NOS1AP: variants seen among roughly 807,000 people sequenced by gnomAD.
NOS1AP encodes the protein nitric oxide synthase 1 adaptor protein, also known as carboxyl-terminal PDZ ligand of neuronal nitric oxide synthase protein.
In NOS1AP, 21 loss-of-function variants were observed where a neutral mutation model predicts 56.2. That is an observed-to-expected ratio of 0.37 (90% CI 0.26 to 0.54). The LOEUF is 0.54. Among genes scored for constraint, NOS1AP ranks in the 20% least tolerant of loss-of-function variants. NOS1AP has a pLI of 0.84. For missense variants in NOS1AP, 522 were observed against 657.8 expected (o/e 0.79, Z 2.26); for synonymous variants, 270 against 274.6 (o/e 0.98, Z 0.17).
chr1:162,121,588 T>C (rs1408533546), intron 1 of NOS1AP, among the ~76,000 whole-genome samples: 2 of 152,152 alleles, frequency 1.3e-5, no homozygotes, highest in Non-Finnish European at 2.9e-5. Flanking sequence ...ACTTTGGGCA[T>C]ATCATCTCCT....
chr1:162,363,905 A>G (rs1452037068), intron 8 of NOS1AP: 2 of 985,302 alleles, frequency 2.0e-6, no homozygotes, highest in Non-Finnish European at 2.4e-6. Flanking sequence ...TTCCTTAGGC[A>G]TTATGCCCCT....
intron 4 of NOS1AP, among the ~76,000 whole-genome samples, chr1:162,329,678 G>C (rs904024772): frequency 3.9e-5 from 6 of 152,068 alleles, no homozygotes; most frequent in African/African-American, 1.5e-4. Flanking sequence ...AGAAAACCAA[G>C]TAATGGAGAA....
At chr1:162,152,092 C>T (rs924580784) in intron 1 of NOS1AP, among the ~76,000 whole-genome samples, 7 of 152,160 alleles carry the variant, frequency 4.6e-5, no homozygotes, top group African/African-American at 1.7e-4. Context: ...TTTCTCAGTC[C>T]AGCAGTGCCT....
chr1:162,342,160 A>T (rs182954799), intron 5 of NOS1AP, among the ~76,000 whole-genome samples: 21 of 152,298 alleles, frequency 1.4e-4, no homozygotes, highest in Admixed American at 2.6e-4. Context: ...CACAGAAGTT[A>T]CCCATCTCCT....
At chr1:162,261,834 G>C (rs1654252728) in intron 2 of NOS1AP, among the ~76,000 whole-genome samples, 1 of 152,214 alleles carries the variant, frequency 6.6e-6, no homozygotes, top group Admixed American at 6.5e-5. Flanking sequence ...GGGAGATTGA[G>C]CTGGGAAAAG....
At chr1:162,197,201 T>G (rs895744634) in intron 2 of NOS1AP, among the ~76,000 whole-genome samples, 1 of 152,178 alleles carries the variant, frequency 6.6e-6, no homozygotes, top group African/African-American at 2.4e-5. Flanking sequence ...CTCTTTTCAA[T>G]GAGAGTTTGA....
intron 2 of NOS1AP, among the ~76,000 whole-genome samples, chr1:162,214,560 C>T (rs1198351404): frequency 3.3e-5 from 5 of 152,056 alleles, no homozygotes; most frequent in Non-Finnish European, 7.4e-5. Flanking sequence ...AAATAATTCT[C>T]AGTGTTTTTC....
chr1:162,098,316 A>G (rs1692296284), intron 1 of NOS1AP, among the ~76,000 whole-genome samples: 1 of 151,866 alleles, frequency 6.6e-6, no homozygotes, highest in African/African-American at 2.4e-5. Flanking sequence ...CATGTTGCCC[A>G]TGCTTGTTTC....
chr1:162,334,347 A>G (rs1382089904), intron 5 of NOS1AP, among the ~76,000 whole-genome samples: 2 of 152,224 alleles, frequency 1.3e-5, no homozygotes, highest in Non-Finnish European at 2.9e-5. Context: ...TCACATCTAG[A>G]TAATAGTATA....
chr1:162,139,387 C>T (rs1317397804), intron 1 of NOS1AP, among the ~76,000 whole-genome samples: 2 of 152,178 alleles, frequency 1.3e-5, no homozygotes, highest in African/African-American at 4.8e-5. Flanking sequence ...CAAGCCTAGA[C>T]ACTATCTATC....
intron 4 of NOS1AP, among the ~76,000 whole-genome samples, chr1:162,314,675 G>T (rs148898076): frequency 5.8e-4 from 88 of 152,258 alleles, no homozygotes; most frequent in African/African-American, 2.0e-3. Context: ...CCTTTTCTGG[G>T]ATACAAATAC....
At chr1:162,137,972 G>T (rs141516037) in intron 1 of NOS1AP, among the ~76,000 whole-genome samples, 72 of 152,260 alleles carry the variant, frequency 4.7e-4, no homozygotes, top group African/African-American at 1.6e-3. Context: ...AAGAGGGGGT[G>T]CTGGTGTGGT....
chr1:162,090,999 TA>T (rs1249356319), intron 1 of NOS1AP, among the ~76,000 whole-genome samples: 1 of 152,200 alleles, frequency 6.6e-6, no homozygotes, highest in Non-Finnish European at 1.5e-5. Context: ...TCCTGAATTT[TA>T]AAAAGGAGGG....
rs57665518 is a variant in NOS1AP at position 162,298,792 on chromosome 1, G to A, written c.271-1841G>A. 5.5e-3 allele frequency among the ~76,000 whole-genome samples: 838 copies of A among 152,228 alleles called. 10 individuals carry two copies. The highest frequency in any genetic ancestry group is 0.019 in the African/African-American group (785 of 41,540). On this transcript the variant is annotated intron_variant, in intron 3 of 9. Coordinates refer to ENST00000361897, the MANE Select transcript of NOS1AP (RefSeq NM_014697.3). Reference sequence around the variant, plus strand: ...AGAGCCATCACAACAATGCTTCCACGAGCAGCTACAAAAACTTTTAAAACA... The same window carrying A: ...AGAGCCATCACAACAATGCTTCCACAAGCAGCTACAAAAACTTTTAAAACA...
At chr1:162,285,815 G>A (rs1396831427) in intron 2 of NOS1AP, among the ~76,000 whole-genome samples, 2 of 152,172 alleles carry the variant, frequency 1.3e-5, no homozygotes, top group Non-Finnish European at 2.9e-5. Context: ...TAGAGTGGAG[G>A]TGGGGAAGTG....
intron 2 of NOS1AP, among the ~76,000 whole-genome samples, chr1:162,248,990 T>G (rs752219926): frequency 6.6e-6 from 1 of 152,152 alleles, no homozygotes; most frequent in Non-Finnish European, 1.5e-5. Context: ...TAACAGCATC[T>G]GAGTCATCTC....
intron 1 of NOS1AP, among the ~76,000 whole-genome samples, chr1:162,151,919 C>T (rs1649726543): frequency 6.6e-6 from 1 of 151,998 alleles, no homozygotes; most frequent in East Asian, 1.9e-4. Flanking sequence ...TACATGTATG[C>T]ACACATACCA....
chr1:162,326,114 G>A (rs1571220556), intron 4 of NOS1AP, among the ~76,000 whole-genome samples: 1 of 152,320 alleles, frequency 6.6e-6, no homozygotes, highest in Non-Finnish European at 1.5e-5. Flanking sequence ...TAAAAAAGAA[G>A]AAGGTTGAGA....
chr1:162,351,950 C>T (rs892891898), intron 6 of NOS1AP, among the ~76,000 whole-genome samples: 3 of 152,204 alleles, frequency 2.0e-5, no homozygotes, highest in Admixed American at 6.5e-5. Flanking sequence ...CTGTAGTGCT[C>T]AGCCCCGGGA....
Sources: gnomAD v4.1 joint callset for allele counts (sites outside exome capture counted in the v4.1 genomes callset) on GRCh38, gnomAD v4.1.1 for gene constraint, MANE v1.5 for transcripts, NCBI Gene and HGNC (gene_info 2026-07-23, HGNC 2026-07-21) for gene names.